PACRG: variants seen among roughly 807,000 people sequenced by gnomAD.
PACRG encodes parkin coregulated.
PACRG carries 29 observed loss-of-function variants against 29.7 expected under a neutral mutation model. The observed-to-expected ratio is 0.98, with a 90% CI of 0.73 to 1.33. The LOEUF is 1.33. PACRG is among the 40% of genes most tolerant of loss of function. The pLI is 0.00. For missense variants in PACRG, 279 were observed against 316.2 expected, an observed-to-expected ratio of 0.88 and a Z score of 0.89; for synonymous variants, 116 against 118.7, an observed-to-expected ratio of 0.98 and a Z score of 0.15.
intron 2 of PACRG, among the ~76,000 whole-genome samples, chr6:163,005,633 C>T (rs1311194712): frequency 6.6e-6 from 1 of 151,078 alleles, no homozygotes; most frequent in Non-Finnish European, 1.5e-5. Context: ...GATAGCTTAC[C>T]TTGTGTAACT....
chr6:162,745,182 A>G (rs1224849931), intron 1 of PACRG, among the ~76,000 whole-genome samples: 2 of 152,186 alleles, frequency 1.3e-5, no homozygotes. Context: ...TCCATGTGCC[A>G]TATATACACT....
chr6:162,997,775 G>C (rs1424852681), intron 2 of PACRG, among the ~76,000 whole-genome samples: 2 of 152,190 alleles, frequency 1.3e-5, no homozygotes, highest in Admixed American at 1.3e-4. Flanking sequence ...TGTAACATTG[G>C]ACATCTTTTG....
chr6:163,195,493 C>T (rs1233588362), intron 4 of PACRG, among the ~76,000 whole-genome samples: 4 of 152,154 alleles, frequency 2.6e-5, no homozygotes, highest in Non-Finnish European at 2.9e-5. Context: ...TCCCTTTCCA[C>T]ATGGCCCTAG....
intron 4 of PACRG, chr6:163,090,290 A>G (rs1046058292): frequency 2.6e-5 from 4 of 152,308 alleles, no homozygotes; most frequent in South Asian, 2.1e-4. Context: ...TGTCTGCTCC[A>G]GGCATAGACT....
In PACRG at chr6:163,227,919, ATT is replaced by A. The variant is rs1048666862; in HGVS notation, c.614-86906_614-86905del. 1.3e-5 allele frequency among the ~76,000 whole-genome samples: 2 copies of A among 152,212 alleles called. 1 individual carries two copies. The highest frequency in any genetic ancestry group is 2.9e-5 in the Non-Finnish European group (2 of 68,032). On this transcript the variant is annotated intron_variant, in intron 4 of 4. Transcript: ENST00000366888. ...TGATATGTCCAAGTCGAAAAAACTA[ATT>A]TCAGCTTAGAAAAACAGCACACTAA...
chr6:163,252,190 G>A (rs115697600), intron 4 of PACRG, among the ~76,000 whole-genome samples: 2,386 of 152,344 alleles, frequency 0.016, 69 homozygotes, highest in African/African-American at 0.055. Context: ...GCAGAGCCAA[G>A]AGACAGGCCT....
intron 4 of PACRG, among the ~76,000 whole-genome samples, chr6:163,277,516 C>CACAT (rs1554239317): frequency 2.9e-5 from 4 of 135,724 alleles, no homozygotes; most frequent in African/African-American, 1.1e-4. Context: ...CACACACACA[C>CACAT]ATATACACAT....
chr6:162,926,523 A>G (rs7743016), intron 2 of PACRG, among the ~76,000 whole-genome samples: 105,111 of 152,000 alleles, frequency 0.69, 36,563 homozygotes, highest in East Asian at 0.79. Context: ...TCTGATGTTC[A>G]ACAAACCTGG....
At chr6:162,816,130 A>C (rs984786018) in intron 2 of PACRG, among the ~76,000 whole-genome samples, 4 of 152,090 alleles carry the variant, frequency 2.6e-5, no homozygotes, top group Non-Finnish European at 5.9e-5. Flanking sequence ...TTTTTTATGG[A>C]TATATTAATT....
At chr6:162,727,391 C>T (rs1219843426), upstream of PACRG, 2 of 468,760 alleles carry the variant, frequency 4.3e-6, no homozygotes, top group Non-Finnish European at 7.5e-6. Context: ...AGCGGGGGTG[C>T]GGGGCCGCCT....
chr6:163,307,934 G>C (rs1032237911), intron 4 of PACRG, among the ~76,000 whole-genome samples: 2 of 152,110 alleles, frequency 1.3e-5, no homozygotes, highest in African/African-American at 4.8e-5. Context: ...ATTCATAGCT[G>C]TTTCCCTATA....
intron 4 of PACRG, among the ~76,000 whole-genome samples, chr6:163,230,914 G>T (rs1334073246): frequency 6.6e-6 from 1 of 152,202 alleles, no homozygotes; most frequent in African/African-American, 2.4e-5. Context: ...AGGTGTCCCT[G>T]CCAGTAATTA....
In PACRG at chr6:163,280,335, C is replaced by T. The variant is rs902398822; in HGVS notation, c.614-34492C>T. 8.5e-5 allele frequency among the ~76,000 whole-genome samples: 13 copies of T among 152,260 alleles called. 2 individuals carry two copies. In the South Asian group the frequency reaches 2.5e-3, roughly 29 times the overall value. On this transcript the variant is annotated intron_variant, in intron 4 of 4. Coordinates refer to ENST00000366888, the MANE Select transcript of PACRG (RefSeq NM_001080379.2). ...CCCAGTTGTGGCTCTTGAGCTGGCC[C>T]CACCTGTCTGGGCTGTCTCAACAGT...
intron 4 of PACRG, among the ~76,000 whole-genome samples, chr6:163,228,819 A>C (rs1267307871): frequency 1.3e-5 from 2 of 152,226 alleles, no homozygotes; most frequent in Non-Finnish European, 2.9e-5. Context: ...TCGCAGAATG[A>C]GTCTAGTTAT....
At chr6:163,162,710 T>A (rs1230291209) in intron 4 of PACRG, among the ~76,000 whole-genome samples, 1 of 152,182 alleles carries the variant, frequency 6.6e-6, no homozygotes, top group Non-Finnish European at 1.5e-5. Flanking sequence ...AGGTGGTACA[T>A]GCAGCCAAGG....
chr6:162,887,100 G>C (rs763795406), intron 2 of PACRG, among the ~76,000 whole-genome samples: 8 of 152,044 alleles, frequency 5.3e-5, no homozygotes, highest in Admixed American at 2.0e-4. Flanking sequence ...GTAGAGACGG[G>C]GTTTCACCAT....
intron 4 of PACRG, among the ~76,000 whole-genome samples, chr6:163,177,662 A>G (rs1779435364): frequency 2.0e-5 from 3 of 149,434 alleles, no homozygotes. Flanking sequence ...AAACTGGGAT[A>G]ATGGAAGGAG....
intron 4 of PACRG, among the ~76,000 whole-genome samples, chr6:163,167,701 A>G (rs1311296100): frequency 6.6e-6 from 1 of 152,242 alleles, no homozygotes; most frequent in Non-Finnish European, 1.5e-5. Flanking sequence ...TAGAAATTTT[A>G]GTTTGTCATA....
chr6:163,176,225 A>G (rs1417536710), intron 4 of PACRG, among the ~76,000 whole-genome samples: 1 of 152,216 alleles, frequency 6.6e-6, no homozygotes, highest in African/African-American at 2.4e-5. Context: ...GTTCTTGGAC[A>G]CAGAAGGTGA....
Sources: allele counts gnomAD v4.1 joint callset (sites outside exome capture counted in the v4.1 genomes callset), GRCh38; gene constraint gnomAD v4.1.1; transcripts MANE v1.5; gene names NCBI Gene and HGNC (gene_info 2026-07-23, HGNC 2026-07-21).